Variants in MACROD2 observed in about 807,000 individuals in gnomAD.
MACROD2 encodes ADP-ribose glycohydrolase MACROD2.
MACROD2 carries 36 observed loss-of-function variants against 70.4 expected under a neutral mutation model. That is an observed-to-expected ratio of 0.51 (90% CI 0.39 to 0.68). MACROD2 has a LOEUF of 0.68. Ranked by LOEUF, MACROD2 falls within the 30% of genes least tolerant of loss-of-function variation. The probability of loss-of-function intolerance (pLI) is 0.00; values close to 1 mark genes in which losing one functional copy is unlikely to be tolerated. For missense variants in MACROD2, 496 were observed against 538.4 expected (o/e 0.92, Z 0.78); for synonymous variants, 172 against 178.8 (o/e 0.96, Z 0.30).
chr20:14,158,347 C>T (rs548678905), intron 3 of MACROD2, among the ~76,000 whole-genome samples: 14 of 152,104 alleles, frequency 9.2e-5, no homozygotes, highest in South Asian at 2.1e-4. Flanking sequence ...CCTTGTTGAA[C>T]GAGTGGTTTG....
At chr20:14,118,158 T>C (rs1331689030) in intron 3 of MACROD2, among the ~76,000 whole-genome samples, 1 of 152,234 alleles carries the variant, frequency 6.6e-6, no homozygotes, top group East Asian at 1.9e-4. Flanking sequence ...ATTAACCATT[T>C]GTGGTATTTG....
intron 8 of MACROD2, among the ~76,000 whole-genome samples, chr20:15,635,434 G>A (rs1316812398): frequency 6.6e-6 from 1 of 152,122 alleles, no homozygotes; most frequent in African/African-American, 2.4e-5. Flanking sequence ...CATGTCCTCT[G>A]CAGCAACATG....
At chr20:15,181,290 C>A (rs1276674809) in intron 5 of MACROD2, among the ~76,000 whole-genome samples, 6 of 152,146 alleles carry the variant, frequency 3.9e-5, no homozygotes, top group Non-Finnish European at 7.4e-5. Flanking sequence ...CCATTTAAAC[C>A]TGTGTTATTC....
rs192471701 is a variant in MACROD2, at chr20:14,637,003, G to T, written c.302-47840G>T. On this transcript the variant is annotated intron_variant, in intron 4 of 17. Transcript: ENST00000684519. ...GCTGAAATGCAGAATAATGATGGTA[G>T]ATAAAAATAATCTCTGACCTGAGAT... is the stretch of plus-strand genomic sequence containing the variant. Among the ~76,000 whole-genome samples the T allele has an allele frequency of 2.0e-5, 3 of 152,236 alleles. No individual in the cohort carries two copies. In the East Asian group the frequency reaches 5.8e-4, roughly 29 times the overall value.
chr20:16,027,032 C>A (rs1367673284), intron 15 of MACROD2, among the ~76,000 whole-genome samples: 1 of 152,062 alleles, frequency 6.6e-6, no homozygotes, highest in African/African-American at 2.4e-5. Flanking sequence ...AGATTAAGGC[C>A]CAAGTATGTG....
intron 3 of MACROD2, among the ~76,000 whole-genome samples, chr20:14,134,801 C>CAAA (rs5840594): frequency 0.18 from 18,018 of 97,780 alleles, 2,664 homozygotes; most frequent in Middle Eastern, 0.21. Context: ...GACTCCGTGT[C>CAAA]AAAAAAAAAA....
intron 8 of MACROD2, among the ~76,000 whole-genome samples, chr20:15,736,559 A>T (rs368657183): frequency 0.68 from 103,512 of 152,028 alleles, 38,033 homozygotes; most frequent in Non-Finnish European, 0.83. Flanking sequence ...ATTTGAGTAG[A>T]GGAGATAATT....
At chr20:15,923,599 C>G (rs1056182840) in intron 10 of MACROD2, among the ~76,000 whole-genome samples, 15 of 152,186 alleles carry the variant, frequency 9.9e-5, no homozygotes, top group African/African-American at 3.6e-4. Flanking sequence ...TGTCCCATCT[C>G]CGCTGAACCA....
At chr20:14,060,918 C>T (rs751221394) in intron 2 of MACROD2, among the ~76,000 whole-genome samples, 79 of 152,108 alleles carry the variant, frequency 5.2e-4, no homozygotes, top group Non-Finnish European at 6.6e-4. Context: ...AATATTCAAG[C>T]TTTATGTCCT....
intron 5 of MACROD2, among the ~76,000 whole-genome samples, chr20:15,084,067 T>G (rs536677112): frequency 1.7e-3 from 87 of 51,176 alleles, no homozygotes; most frequent in African/African-American, 5.7e-3. Context: ...AGGTTTTTTT[T>G]TTTTGTTTTT....
chr20:16,006,883 A>G (rs981268568), intron 15 of MACROD2, among the ~76,000 whole-genome samples: 11 of 152,028 alleles, frequency 7.2e-5, no homozygotes, highest in Non-Finnish European at 1.5e-4. Flanking sequence ...GATTAGAACG[A>G]CCTCTTTTTG....
At chr20:14,047,796 T>C (rs1227586875) in intron 2 of MACROD2, among the ~76,000 whole-genome samples, 1 of 152,094 alleles carries the variant, frequency 6.6e-6, no homozygotes, top group Non-Finnish European at 1.5e-5. Flanking sequence ...AAATAAAAAA[T>C]ACAGTGCATG....
At chr20:15,514,993 C>T (rs181258857) in intron 8 of MACROD2, among the ~76,000 whole-genome samples, 1 of 152,304 alleles carries the variant, frequency 6.6e-6, no homozygotes, top group Non-Finnish European at 1.5e-5. Context: ...CCCATGTCAC[C>T]CTCCATGCTG....
At chr20:14,076,708 A>G (rs962473786) in intron 2 of MACROD2, among the ~76,000 whole-genome samples, 4 of 151,950 alleles carry the variant, frequency 2.6e-5, no homozygotes, top group Non-Finnish European at 5.9e-5. Flanking sequence ...AGAAGTACAT[A>G]TAACTTTGCT....
intron 6 of MACROD2, among the ~76,000 whole-genome samples, chr20:15,277,992 G>T (rs777449423): frequency 9.2e-5 from 14 of 152,098 alleles, no homozygotes; most frequent in Middle Eastern, 3.2e-3. Flanking sequence ...CATTCAGGAA[G>T]AAAATAAATA....
chr20:15,419,187 G>T (rs1339895807), intron 6 of MACROD2, among the ~76,000 whole-genome samples: 2 of 152,132 alleles, frequency 1.3e-5, no homozygotes, highest in East Asian at 3.9e-4. Context: ...AGGCCACGGG[G>T]TTGCTCTCCA....
intron 4 of MACROD2, among the ~76,000 whole-genome samples, chr20:14,569,030 C>A (rs993104192): frequency 2.6e-5 from 4 of 151,902 alleles, no homozygotes; most frequent in Non-Finnish European, 5.9e-5. Flanking sequence ...TCTGGCAGTA[C>A]GTAAATCTGA....
intron 8 of MACROD2, among the ~76,000 whole-genome samples, chr20:15,616,333 A>G (rs1233403434): frequency 1.3e-5 from 2 of 151,466 alleles, no homozygotes; most frequent in Non-Finnish European, 2.9e-5. Context: ...TGAACTCTTG[A>G]CCTCAAGTGA....
Position 14,232,490 on chromosome 20 carries a change from A to G in MACROD2, c.271+146762A>G, listed in dbSNP as rs1273074819. On this transcript the variant is annotated intron_variant, in intron 3 of 17. Coordinates refer to ENST00000684519, the MANE Select transcript of MACROD2 (RefSeq NM_001351661.2). ...ATCTAGATAACTTGCTGAACCTTCTACATCAGCACTTGCTACTTCATCTTT... is the reference window on the plus strand; with the variant it reads ...ATCTAGATAACTTGCTGAACCTTCTGCATCAGCACTTGCTACTTCATCTTT... Among the ~76,000 whole-genome samples the G allele has an allele frequency of 2.6e-5, 4 of 152,292 alleles. No homozygotes were observed. In the South Asian group the frequency reaches 8.3e-4, roughly 32 times the overall value.
Sources: gnomAD v4.1 joint callset for allele counts (sites outside exome capture counted in the v4.1 genomes callset) on GRCh38, gnomAD v4.1.1 for gene constraint, MANE v1.5 for transcripts, NCBI Gene and HGNC (gene_info 2026-07-23, HGNC 2026-07-21) for gene names.